The following CNTNAP5 variants were observed in gnomAD, a reference collection of about 807,000 sequenced individuals.
CNTNAP5 encodes contactin-associated protein-like 5.
Under a neutral mutation model 150.2 loss-of-function variants are expected in CNTNAP5, and 72 were observed. The observed-to-expected ratio is 0.48, with a 90% CI of 0.40 to 0.58. The LOEUF (loss-of-function observed/expected upper bound fraction) is 0.58, where lower values mean the gene tolerates loss of function less well. Among genes scored for constraint, CNTNAP5 ranks in the 20% least tolerant of loss-of-function variants. The pLI is 0.00. For missense variants in CNTNAP5, 1,636 were observed against 1,626.2 expected, an observed-to-expected ratio of 1.01 and a Z score of -0.10; for synonymous variants, 672 against 619.8, an observed-to-expected ratio of 1.08 and a Z score of -1.25.
chr2:124,701,147 T>C (rs1229557908), intron 13 of CNTNAP5, among the ~76,000 whole-genome samples: 1 of 152,096 alleles, frequency 6.6e-6, no homozygotes, highest in Non-Finnish European at 1.5e-5. Context: ...TCCTCTGACC[T>C]ATATATTCCC....
chr2:124,460,872 C>A (rs111542029), intron 6 of CNTNAP5, among the ~76,000 whole-genome samples: 8 of 151,964 alleles, frequency 5.3e-5, no homozygotes, highest in South Asian at 4.2e-4. Flanking sequence ...TCCTTTGTTT[C>A]CTTTGGAAAT....
chr2:124,836,863 C>T (rs951307426), intron 19 of CNTNAP5, among the ~76,000 whole-genome samples: 6 of 152,086 alleles, frequency 3.9e-5, no homozygotes, highest in Admixed American at 3.3e-4. Context: ...CAGCTTCCCC[C>T]AGGGAGCTCA....
intron 19 of CNTNAP5, among the ~76,000 whole-genome samples, chr2:124,806,264 C>T (rs928035819): frequency 6.6e-6 from 1 of 151,884 alleles, no homozygotes; most frequent in Non-Finnish European, 1.5e-5. Context: ...GTTACATATA[C>T]AGTGAGAGGG....
intron 12 of CNTNAP5, among the ~76,000 whole-genome samples, chr2:124,619,482 T>C (rs1373788258): frequency 6.6e-6 from 1 of 152,112 alleles, no homozygotes. Context: ...CTTGGGGTGA[T>C]GGTTAATTTT....
intron 8 of CNTNAP5, among the ~76,000 whole-genome samples, chr2:124,519,553 C>T (rs954275884): frequency 6.6e-5 from 10 of 152,202 alleles, no homozygotes; most frequent in South Asian, 2.1e-4. Context: ...TGCCTCTGAG[C>T]AGCCATGGGG....
chr2:124,274,179 G>A (rs1471085200), intron 3 of CNTNAP5, among the ~76,000 whole-genome samples: 9 of 152,148 alleles, frequency 5.9e-5, no homozygotes, highest in Admixed American at 5.9e-4. Context: ...AACTCAGTGT[G>A]TATGTTATAC....
intron 22 of CNTNAP5, among the ~76,000 whole-genome samples, chr2:124,907,498 T>C (rs1321853249): frequency 4.0e-5 from 6 of 148,514 alleles, no homozygotes; most frequent in Non-Finnish European, 8.9e-5. Flanking sequence ...TATATAGATA[T>C]AGATATGTAT....
intron 1 of CNTNAP5, among the ~76,000 whole-genome samples, chr2:124,202,789 T>C (rs1005627764): frequency 1.1e-4 from 17 of 152,056 alleles, no homozygotes; most frequent in African/African-American, 4.1e-4. Context: ...AAGAAGAGCA[T>C]GGAAAAAATT....
rs79013282 is a variant in CNTNAP5 at position 124,615,689 on chromosome 2, G to A, written c.1876+5769G>A. ...AATGTTCTTAATGAGATCTACAATGGCAAATGCTTTCCAGAAGGTCTTCAA... is the reference window on the plus strand; with the variant it reads ...AATGTTCTTAATGAGATCTACAATGACAAATGCTTTCCAGAAGGTCTTCAA... On this transcript the variant is annotated intron_variant, in intron 12 of 23. Coordinates refer to ENST00000682447, the MANE Select transcript of CNTNAP5 (RefSeq NM_001367498.1). Among the ~76,000 whole-genome samples the A allele has an allele frequency of 2.6e-3, 391 of 152,236 alleles. 1 individual carries two copies. The highest frequency in any genetic ancestry group is 4.7e-3 in the Non-Finnish European group (321 of 68,020).
chr2:124,462,476 T>C (rs145284591), intron 6 of CNTNAP5, among the ~76,000 whole-genome samples: 1 of 152,348 alleles, frequency 6.6e-6, no homozygotes, highest in East Asian at 1.9e-4. Context: ...ATGAAGGGAA[T>C]ATTTTAATAC....
intron 11 of CNTNAP5, among the ~76,000 whole-genome samples, chr2:124,588,202 TTC>T (rs1385632376): frequency 1.0e-4 from 15 of 146,802 alleles, no homozygotes; most frequent in Admixed American, 2.8e-4. Context: ...CTTTCTTTCT[TTC>T]TTTCTTTCTT....
chr2:124,208,002 A>C (rs977035862), intron 1 of CNTNAP5, among the ~76,000 whole-genome samples: 4 of 152,212 alleles, frequency 2.6e-5, no homozygotes, highest in Non-Finnish European at 4.4e-5. Flanking sequence ...CAGGATGAGC[A>C]AGAAGAGCAT....
intron 1 of CNTNAP5, among the ~76,000 whole-genome samples, chr2:124,052,899 T>C (rs1044920892): frequency 2.6e-5 from 4 of 152,144 alleles, no homozygotes; most frequent in African/African-American, 9.7e-5. Context: ...CTAATGCCAT[T>C]TTCTCTGCTT....
At chr2:124,543,347 G>A (rs969473087) in intron 10 of CNTNAP5, among the ~76,000 whole-genome samples, 1 of 152,176 alleles carries the variant, frequency 6.6e-6, no homozygotes, top group Non-Finnish European at 1.5e-5. Flanking sequence ...ATAGAAGGCA[G>A]CTCCAGAGAA....
intron 23 of CNTNAP5, among the ~76,000 whole-genome samples, chr2:124,913,246 T>C (rs1426542294): frequency 6.6e-6 from 1 of 152,120 alleles, no homozygotes; most frequent in East Asian, 1.9e-4. Context: ...TATTTTTAAA[T>C]ATTTTCATGC....
At chr2:124,357,132 C>T (rs11884639) in intron 3 of CNTNAP5, among the ~76,000 whole-genome samples, 109,218 of 151,672 alleles carry the variant, frequency 0.72, 39,914 homozygotes, top group African/African-American at 0.81. Flanking sequence ...TCATGTCCTT[C>T]GCCCACTTTT....
In CNTNAP5 at chr2:124,919,580, G is replaced by A. The variant is rs1288574740; in HGVS notation, c.*5292G>A. On this transcript the variant is annotated 3_prime_UTR_variant, in exon 24 of 24. Coordinates refer to ENST00000682447, the MANE Select transcript of CNTNAP5 (RefSeq NM_001367498.1). Reference sequence around the variant, plus strand: ...AAATTGCTTCCACCATGAATCAGTGGTGGCAGCCTTTCCACTTTCATGGCT... The same window carrying A: ...AAATTGCTTCCACCATGAATCAGTGATGGCAGCCTTTCCACTTTCATGGCT... Among the ~76,000 whole-genome samples, 1 of 152,034 alleles carries A rather than the reference G, an allele frequency of 6.6e-6. No homozygotes were observed. The highest frequency in any genetic ancestry group is 1.5e-5 in the Non-Finnish European group (1 of 67,992).
intron 1 of CNTNAP5, among the ~76,000 whole-genome samples, chr2:124,106,687 G>T (rs1683178467): frequency 1.3e-5 from 2 of 152,118 alleles, no homozygotes; most frequent in Admixed American, 1.3e-4. Flanking sequence ...TAAGTAAAGT[G>T]CTTACTTGAG....
chr2:124,806,436 C>T (rs1394619191), intron 19 of CNTNAP5, among the ~76,000 whole-genome samples: 1 of 152,132 alleles, frequency 6.6e-6, no homozygotes, highest in African/African-American at 2.4e-5. Flanking sequence ...TTTTGAGATT[C>T]TGTCCTGCCA....
Sources: allele counts gnomAD v4.1 joint callset (sites outside exome capture counted in the v4.1 genomes callset), GRCh38; gene constraint gnomAD v4.1.1; transcripts MANE v1.5; gene names NCBI Gene and HGNC (gene_info 2026-07-23, HGNC 2026-07-21).